Variants in PPP2R2B observed in about 807,000 individuals in gnomAD.
PPP2R2B encodes protein phosphatase 2 regulatory subunit Bbeta.
A neutral mutation model predicts 46.0 loss-of-function variants in PPP2R2B; 5 were observed. The observed-to-expected ratio is 0.11, with a 90% CI of 0.06 to 0.23. The LOEUF is 0.23. Ranked by LOEUF, PPP2R2B falls within the 10% of genes least tolerant of loss-of-function variation. The pLI is 1.00. For synonymous variants in PPP2R2B, 215 were observed against 206.7 expected, an observed-to-expected ratio of 1.04 and a Z score of -0.34; for missense variants, 367 against 575.0, an observed-to-expected ratio of 0.64 and a Z score of 3.70.
chr5:146,880,496 G>A (rs917760845), upstream of PPP2R2B, among the ~76,000 whole-genome samples: 6 of 152,144 alleles, frequency 3.9e-5, no homozygotes, highest in East Asian at 1.2e-3. Flanking sequence ...TGGAGTAGGA[G>A]CAGAGTGGGG....
chr5:146,718,088 G>T (rs1383553320), intron 2 of PPP2R2B, among the ~76,000 whole-genome samples: 2 of 151,962 alleles, frequency 1.3e-5, no homozygotes, highest in African/African-American at 4.8e-5. Flanking sequence ...TAATTCACAA[G>T]AATTCATAAT....
chr5:146,878,141 A>C lies in PPP2R2B; in HGVS notation c.-70T>G, dbSNP rs1376679546. 2 of 1,611,022 alleles carry C rather than the reference A, an allele frequency of 1.2e-6. No individual in the cohort carries two copies. Among genetic ancestry groups the C allele is most frequent in the Non-Finnish European group, 1.7e-6 (2 of 1,178,506 alleles). ...GTATCCATGATCCCTCCCCGCAGCC[A>C]GTCTCACAGGAGAGGGGGGCAGGGG... On this transcript the variant is annotated 5_prime_UTR_variant, in exon 2 of 10. Transcript: ENST00000394411. The surrounding 1 kb of genome is among the most constrained non-coding windows in gnomAD (Gnocchi z 4.5).
chr5:146,886,736 G>A (rs1337462893), intron 1 of PPP2R2B, among the ~76,000 whole-genome samples: 1 of 151,850 alleles, frequency 6.6e-6, no homozygotes, highest in Non-Finnish European at 1.5e-5. Context: ...ATGGTTATGC[G>A]TAGTTTTCTT....
chr5:146,922,497 T>A (rs1243178630), intron 1 of PPP2R2B: 1 of 152,178 alleles, frequency 6.6e-6, no homozygotes, highest in South Asian at 2.1e-4. Context: ...TCTTGGCATC[T>A]CCTCCCAGCT....
At chr5:146,623,324 C>T (rs549844356) in intron 7 of PPP2R2B, among the ~76,000 whole-genome samples, 95 of 152,190 alleles carry the variant, frequency 6.2e-4, no homozygotes, top group Non-Finnish European at 6.8e-4. Context: ...AGCATTTTCT[C>T]TTTCTGATTA....
At chr5:146,931,988 A>T (rs2151822589) in intron 1 of PPP2R2B, among the ~76,000 whole-genome samples, 1 of 152,326 alleles carries the variant, frequency 6.6e-6, no homozygotes, top group East Asian at 1.9e-4. Flanking sequence ...ATGTCTGGTC[A>T]TCAGCAATAA....
chr5:146,949,430 T>C (rs1464403491), intron 1 of PPP2R2B, among the ~76,000 whole-genome samples: 1 of 152,180 alleles, frequency 6.6e-6, no homozygotes, highest in South Asian at 2.1e-4. Flanking sequence ...ATCTGAGAAA[T>C]GCAAATCCAA....
intron 1 of PPP2R2B, chr5:147,055,636 C>T (rs1301394399): frequency 6.3e-7 from 1 of 1,580,462 alleles, no homozygotes; most frequent in East Asian, 2.2e-5. Flanking sequence ...TTCCCACCCA[C>T]CCAGACACTC....
intron 2 of PPP2R2B, among the ~76,000 whole-genome samples, chr5:146,800,164 G>T (rs1211154667): frequency 1.3e-5 from 2 of 152,036 alleles, no homozygotes; most frequent in Non-Finnish European, 1.5e-5. Flanking sequence ...TTGATAATTG[G>T]AAATGAGAGG....
chr5:146,905,348 C>T (rs1161494401), intron 1 of PPP2R2B, among the ~76,000 whole-genome samples: 1 of 152,170 alleles, frequency 6.6e-6, no homozygotes, highest in African/African-American at 2.4e-5. Context: ...GAAATAAAAG[C>T]ATGTCCACAC....
chr5:146,990,554 A>G (rs913072165), intron 1 of PPP2R2B, among the ~76,000 whole-genome samples: 1 of 152,144 alleles, frequency 6.6e-6, no homozygotes, highest in African/African-American at 2.4e-5. Flanking sequence ...TTTTCACTAT[A>G]AACAAAAATG....
chr5:146,647,198 T>C (rs976257214), intron 6 of PPP2R2B, among the ~76,000 whole-genome samples: 1 of 152,246 alleles, frequency 6.6e-6, no homozygotes, highest in Admixed American at 6.5e-5. Context: ...TAGGATATGA[T>C]GGTTATGTTT....
chr5:147,057,361 TG>T (rs1317819327), upstream of PPP2R2B, among the ~76,000 whole-genome samples: 2 of 152,170 alleles, frequency 1.3e-5, no homozygotes, highest in African/African-American at 4.8e-5. Context: ...TTTGTTTTTG[TG>T]GGTAATTTCA....
intron 1 of PPP2R2B, among the ~76,000 whole-genome samples, chr5:146,957,413 C>T (rs1751962143): frequency 6.6e-6 from 1 of 152,124 alleles, no homozygotes; most frequent in South Asian, 2.1e-4. Flanking sequence ...AAGTGTGTAC[C>T]ATGCATAGTG....
intron 1 of PPP2R2B, among the ~76,000 whole-genome samples, chr5:146,997,193 A>G (rs1445909198): frequency 6.6e-6 from 1 of 152,200 alleles, no homozygotes; most frequent in Non-Finnish European, 1.5e-5. Flanking sequence ...CAAGAAACCC[A>G]GCAACAATTG....
chr5:146,750,255 T>C (rs1382540127), intron 2 of PPP2R2B, among the ~76,000 whole-genome samples: 1 of 152,224 alleles, frequency 6.6e-6, no homozygotes, highest in Admixed American at 6.5e-5. Flanking sequence ...ATTATTCTTT[T>C]AAAAATGATT....
At chr5:146,781,783 C>A (rs1755546278) in intron 2 of PPP2R2B, among the ~76,000 whole-genome samples, 1 of 152,074 alleles carries the variant, frequency 6.6e-6, no homozygotes, top group African/African-American at 2.4e-5. Context: ...CAGACTAAAT[C>A]CAACTGAAAG....
intron 1 of PPP2R2B, among the ~76,000 whole-genome samples, chr5:147,050,308 T>C (rs934930027): frequency 5.9e-5 from 9 of 152,126 alleles, no homozygotes; most frequent in African/African-American, 2.2e-4. Flanking sequence ...ACTTTAAATG[T>C]AGGTGTGCAT....
At chr5:147,061,949 A>G (rs2151907712) in intron 2 of PPP2R2B, among the ~76,000 whole-genome samples, 1 of 151,714 alleles carries the variant, frequency 6.6e-6, no homozygotes, top group South Asian at 2.1e-4. Flanking sequence ...AGGCAACAGG[A>G]TTTTTGTTTG....
Sources: allele counts gnomAD v4.1 joint callset (sites outside exome capture counted in the v4.1 genomes callset), GRCh38; gene constraint gnomAD v4.1.1; non-coding constraint Gnocchi (gnomAD v3.1); transcripts MANE v1.5; gene names NCBI Gene and HGNC (gene_info 2026-07-23, HGNC 2026-07-21).